Variants in DENND1A observed in about 807,000 individuals in gnomAD.
DENND1A encodes DENN domain containing 1A, also known as DENN domain-containing protein 1A.
Under a neutral mutation model 113.7 loss-of-function variants are expected in DENND1A, and 51 were observed. The observed-to-expected ratio is 0.45, with a 90% CI of 0.36 to 0.57. The LOEUF (loss-of-function observed/expected upper bound fraction) is 0.57. Ranked by LOEUF, DENND1A falls within the 20% of genes least tolerant of loss-of-function variation. The pLI, the probability that DENND1A is intolerant of heterozygous loss-of-function variation, is 0.00. For missense variants in DENND1A, 1,258 were observed against 1,395.9 expected, an observed-to-expected ratio of 0.90 and a Z score of 1.57; for synonymous variants, 565 against 570.8, an observed-to-expected ratio of 0.99 and a Z score of 0.14.
chr9:123,823,888 G>C (rs1838897418), intron 2 of DENND1A, among the ~76,000 whole-genome samples: 1 of 152,196 alleles, frequency 6.6e-6, no homozygotes, highest in Non-Finnish European at 1.5e-5. Context: ...GAAACTCTAA[G>C]AGGGGAACCC....
At chr9:123,812,715 T>C (rs1274394828) in intron 2 of DENND1A, among the ~76,000 whole-genome samples, 1 of 152,214 alleles carries the variant, frequency 6.6e-6, no homozygotes, top group Non-Finnish European at 1.5e-5. Flanking sequence ...ATAATCTTTT[T>C]AAATGACTCT....
At chr9:123,632,384 A>G (rs902550020) in intron 9 of DENND1A, among the ~76,000 whole-genome samples, 1 of 152,200 alleles carries the variant, frequency 6.6e-6, no homozygotes, top group South Asian at 2.1e-4. Flanking sequence ...AGATATATAT[A>G]TCTCACATAC....
rs576478042 is a variant in DENND1A at position 123,738,411 on chromosome 9, T to C, written c.302+19292A>G. On this transcript the variant is annotated intron_variant, in intron 5 of 23. Transcript: ENST00000394215. ...CAATTTAAACTTGTCCCTAGAGCCATAAAGAATGAAAAACTGCCGTGTCAA... is the reference window on the plus strand; with the variant it reads ...CAATTTAAACTTGTCCCTAGAGCCACAAAGAATGAAAAACTGCCGTGTCAA... 1.8e-4 allele frequency among the ~76,000 whole-genome samples: 27 copies of C among 151,164 alleles called. No homozygotes were observed. The East Asian group carries it at 5.0e-3, about 28-fold the overall frequency.
intron 1 of DENND1A, among the ~76,000 whole-genome samples, chr9:123,916,104 T>C (rs1855063666): frequency 2.0e-5 from 3 of 152,194 alleles, no homozygotes; most frequent in South Asian, 2.1e-4. Flanking sequence ...CTGCACCATT[T>C]GTAATAATAA....
intron 1 of DENND1A, among the ~76,000 whole-genome samples, chr9:123,914,031 C>A (rs1854593886): frequency 6.6e-6 from 1 of 151,554 alleles, no homozygotes; most frequent in African/African-American, 2.4e-5. Context: ...CAGTTCCAAA[C>A]AGAAATGGCA....
intron 13 of DENND1A, among the ~76,000 whole-genome samples, chr9:123,462,774 G>T (rs1258926156): frequency 6.6e-6 from 1 of 152,140 alleles, no homozygotes; most frequent in East Asian, 1.9e-4. Flanking sequence ...TCCAGCCTGG[G>T]CAACAAGAGT....
chr9:123,406,627 C>G (rs1372879978), intron 20 of DENND1A, among the ~76,000 whole-genome samples: 1 of 152,214 alleles, frequency 6.6e-6, no homozygotes, highest in Non-Finnish European at 1.5e-5. Context: ...TAGAGCTGGG[C>G]CTGCCACACA....
At chr9:123,387,687 T>C (rs1046865191) in intron 22 of DENND1A, 43 bp downstream of exon 22, 2 of 1,267,170 alleles carry the variant, frequency 1.6e-6, no homozygotes, top group African/African-American at 1.6e-5. Context: ...CCCCGCAGAG[T>C]CACCAAGCCG....
chr9:123,669,151 C>G (rs1324225394), intron 7 of DENND1A, among the ~76,000 whole-genome samples: 1 of 152,116 alleles, frequency 6.6e-6, no homozygotes, highest in Non-Finnish European at 1.5e-5. Context: ...TTTACCATCA[C>G]TCATATCAGA....
intron 13 of DENND1A, among the ~76,000 whole-genome samples, chr9:123,486,800 T>C (rs112056780): frequency 6.6e-5 from 10 of 152,248 alleles, no homozygotes; most frequent in East Asian, 1.9e-4. Context: ...CACCCTCCTA[T>C]TGACCACACA....
At chr9:123,589,815 C>T (rs1481457645) in intron 11 of DENND1A, among the ~76,000 whole-genome samples, 2 of 152,200 alleles carry the variant, frequency 1.3e-5, no homozygotes, top group Non-Finnish European at 2.9e-5. Flanking sequence ...TTGACCCCTG[C>T]CTTTCAGGCC....
chr9:123,739,082 T>G (rs1266111982), intron 5 of DENND1A, among the ~76,000 whole-genome samples: 1 of 152,114 alleles, frequency 6.6e-6, no homozygotes, highest in Non-Finnish European at 1.5e-5. Flanking sequence ...AAAAATAAAA[T>G]CTGAAGGACA....
At chr9:123,799,442 C>T (rs1171666178) in intron 2 of DENND1A, among the ~76,000 whole-genome samples, 1 of 152,104 alleles carries the variant, frequency 6.6e-6, no homozygotes, top group African/African-American at 2.4e-5. Flanking sequence ...TAATGGAGAA[C>T]ACACAGAATT....
chr9:123,564,980 CTTTTTTTTT>C (rs199613371), intron 12 of DENND1A, among the ~76,000 whole-genome samples: 4 of 75,724 alleles, frequency 5.3e-5, no homozygotes, highest in Admixed American at 1.7e-4. Flanking sequence ...TCTGTCCCTT[CTTTTTTTTT>C]TTTTTTTTTT....
At chr9:123,565,172 A>G (rs2057984418) in intron 12 of DENND1A, among the ~76,000 whole-genome samples, 1 of 151,788 alleles carries the variant, frequency 6.6e-6, no homozygotes, top group Non-Finnish European at 1.5e-5. Flanking sequence ...TTGTATTTTT[A>G]GTGGAGATGG....
At chr9:123,718,241 A>G (rs879368074) in intron 5 of DENND1A, among the ~76,000 whole-genome samples, 14 of 152,364 alleles carry the variant, frequency 9.2e-5, no homozygotes, top group Admixed American at 9.1e-4. Flanking sequence ...TGTAAAATGC[A>G]TTAGTGTTAA....
At chr9:123,856,605 G>C (rs1417441671) in intron 2 of DENND1A, among the ~76,000 whole-genome samples, 1 of 152,162 alleles carries the variant, frequency 6.6e-6, no homozygotes, top group African/African-American at 2.4e-5. Flanking sequence ...TCCTGAGGAG[G>C]ATTATGCAGG....
chr9:123,493,884 C>T (rs2051616888), intron 13 of DENND1A, among the ~76,000 whole-genome samples: 1 of 152,174 alleles, frequency 6.6e-6, no homozygotes, highest in African/African-American at 2.4e-5. Flanking sequence ...GCTCTCTTTC[C>T]TGAGAGCAAT....
At chr9:123,452,047 A>AAG (rs397798419) in intron 17 of DENND1A, among the ~76,000 whole-genome samples, 2 of 150,668 alleles carry the variant, frequency 1.3e-5, no homozygotes, top group African/African-American at 4.9e-5. Context: ...AAAAAAAAAA[A>AAG]GCCAGGCGTG....
Sources: gnomAD v4.1 joint callset for allele counts (sites outside exome capture counted in the v4.1 genomes callset) on GRCh38, gnomAD v4.1.1 for gene constraint, MANE v1.5 for transcripts, NCBI Gene and HGNC (gene_info 2026-07-23, HGNC 2026-07-21) for gene names.